CHRM3: variants seen among roughly 807,000 people sequenced by gnomAD.
The protein encoded by CHRM3 is cholinergic receptor muscarinic 3, also known as muscarinic acetylcholine receptor M3.
A neutral mutation model predicts 41.8 loss-of-function variants in CHRM3; 11 were observed. That is an observed-to-expected ratio of 0.26 (90% confidence interval 0.17 to 0.44). The LOEUF (loss-of-function observed/expected upper bound fraction) is 0.44, where lower values mean the gene tolerates loss of function less well. CHRM3 is among the 20% of genes least tolerant of loss of function. The pLI is 1.00. For synonymous variants in CHRM3, 297 were observed against 301.4 expected (o/e 0.99, Z 0.15); for missense variants, 571 against 745.4 (o/e 0.77, Z 2.72).
At chr1:239,517,771 G>C (rs926191934) in intron 2 of CHRM3, among the ~76,000 whole-genome samples, 3 of 152,064 alleles carry the variant, frequency 2.0e-5, no homozygotes, top group Non-Finnish European at 4.4e-5. Context: ...GATTGCCTTT[G>C]TCTTATATAT....
intron 1 of CHRM3, among the ~76,000 whole-genome samples, chr1:239,439,225 C>A (rs1663513344): frequency 6.6e-6 from 1 of 152,140 alleles, no homozygotes; most frequent in Non-Finnish European, 1.5e-5. Context: ...AGGTTTGTAT[C>A]CGATTAGAAC....
At chr1:239,838,580 G>A (rs955870898) in intron 6 of CHRM3, among the ~76,000 whole-genome samples, 2 of 152,122 alleles carry the variant, frequency 1.3e-5, no homozygotes, top group African/African-American at 4.8e-5. Context: ...AGCCTACAAA[G>A]TTTATCTTAT....
intron 4 of CHRM3, among the ~76,000 whole-genome samples, chr1:239,667,027 CTT>C (rs1673876502): frequency 1.3e-5 from 2 of 152,140 alleles, no homozygotes; most frequent in Non-Finnish European, 2.9e-5. Context: ...GCGTGACACT[CTT>C]TTCTTCTTAA....
intron 1 of CHRM3, among the ~76,000 whole-genome samples, chr1:239,397,223 C>T (rs1659561021): frequency 6.6e-6 from 1 of 152,106 alleles, no homozygotes; most frequent in Non-Finnish European, 1.5e-5. Context: ...CAATTTTATA[C>T]TGAAATGTAA....
intron 4 of CHRM3, among the ~76,000 whole-genome samples, chr1:239,636,738 C>G (rs1414859691): frequency 6.6e-6 from 1 of 152,184 alleles, no homozygotes; most frequent in Non-Finnish European, 1.5e-5. Context: ...GAAGGGCACC[C>G]ACTTTATTAA....
rs188144588 is a variant in CHRM3 at position 239,439,300 on chromosome 1, G to A, written c.-521+52073G>A. On this transcript the variant is annotated intron_variant, in intron 1 of 6. Coordinates refer to ENST00000676153, the MANE Select transcript of CHRM3 (RefSeq NM_001375978.1). ...ATCTCCTGACACCTAAATCTGAATC[G>A]CTCTGCTGACAATTATAGTAATAAC... Among the ~76,000 whole-genome samples the A allele has an allele frequency of 2.0e-4, 30 of 152,210 alleles. No homozygotes were observed. In the East Asian group the frequency reaches 5.4e-3, roughly 27 times the overall value.
intron 5 of CHRM3, among the ~76,000 whole-genome samples, chr1:239,735,203 C>A (rs1664295591): frequency 6.6e-6 from 1 of 152,080 alleles, no homozygotes; most frequent in South Asian, 2.1e-4. Flanking sequence ...CCCTAGTAGT[C>A]CTGCATGTGT....
chr1:239,588,463 T>C (rs950493691), intron 3 of CHRM3, among the ~76,000 whole-genome samples: 3 of 152,206 alleles, frequency 2.0e-5, no homozygotes, highest in Non-Finnish European at 4.4e-5. Flanking sequence ...TGTATGGCCA[T>C]AATCAAGCTC....
At chr1:239,882,940 G>A (rs539364) in intron 6 of CHRM3, among the ~76,000 whole-genome samples, 75,971 of 152,146 alleles carry the variant, frequency 0.5, 20,568 homozygotes, top group East Asian at 0.64. Context: ...CAGCCCAGGG[G>A]CGGCTCTTCG....
rs73120670 is a variant in CHRM3 at position 239,587,132 on chromosome 1, C to T, written c.-313+41383C>T. Among the ~76,000 whole-genome samples, 1,670 of 152,268 alleles carry T rather than the reference C, an allele frequency of 0.011. 47 individuals are homozygous for T. In the East Asian group the frequency reaches 0.11, roughly 10 times the overall value. ...CTGTCACAGGATGATCAGAAATCAG[C>T]GCGTGGTGACCTTTCTGACCACCCT... On this transcript the variant is annotated intron_variant, in intron 3 of 6. Coordinates refer to ENST00000676153, the MANE Select transcript of CHRM3 (RefSeq NM_001375978.1).
intron 1 of CHRM3, among the ~76,000 whole-genome samples, chr1:239,405,944 G>A (rs1446063750): frequency 2.6e-5 from 4 of 152,080 alleles, no homozygotes; most frequent in African/African-American, 9.6e-5. Context: ...GTGTAGTGCC[G>A]CGATCTCAGC....
At chr1:239,518,763 G>C (rs1333609133) in intron 2 of CHRM3, among the ~76,000 whole-genome samples, 1 of 152,170 alleles carries the variant, frequency 6.6e-6, no homozygotes, top group African/African-American at 2.4e-5. Context: ...AAAGACAGAG[G>C]CATGGTGGCC....
intron 5 of CHRM3, among the ~76,000 whole-genome samples, chr1:239,683,509 T>G (rs1389001228): frequency 6.6e-6 from 1 of 152,224 alleles, no homozygotes; most frequent in Non-Finnish European, 1.5e-5. Flanking sequence ...CCAAACCTTT[T>G]CTTTTCACCA....
chr1:239,662,895 C>CCTCTTCTTCTTA, intron 4 of CHRM3, among the ~76,000 whole-genome samples: 1 of 117,122 alleles, frequency 8.5e-6, no homozygotes, highest in East Asian at 3.1e-4. Context: ...TCCTCCTCCT[C>CCTCTTCTTCTTA]TTCTTCTTCT....
At chr1:239,446,168 C>G (rs978654233) in intron 1 of CHRM3, among the ~76,000 whole-genome samples, 6 of 152,112 alleles carry the variant, frequency 3.9e-5, no homozygotes, top group Non-Finnish European at 8.8e-5. Context: ...ATCTCCTGAC[C>G]TCGTGATCCG....
At chr1:239,865,720 A>G (rs1431001045) in intron 6 of CHRM3, among the ~76,000 whole-genome samples, 1 of 152,216 alleles carries the variant, frequency 6.6e-6, no homozygotes, top group Non-Finnish European at 1.5e-5. Flanking sequence ...TTCACAGGAC[A>G]TTTGGACCAG....
intron 6 of CHRM3, among the ~76,000 whole-genome samples, chr1:239,847,534 C>T (rs527758134): frequency 7.5e-4 from 114 of 152,098 alleles, no homozygotes; most frequent in African/African-American, 2.2e-3. Context: ...GGTTGAACCA[C>T]ATGGGAAAAA....
chr1:239,817,366 C>T (rs1186521897), intron 5 of CHRM3, among the ~76,000 whole-genome samples: 1 of 152,170 alleles, frequency 6.6e-6, no homozygotes, highest in Non-Finnish European at 1.5e-5. Flanking sequence ...CTATCTTTCT[C>T]TTCTTACTTT....
chr1:239,498,232 C>T (rs552931785), intron 2 of CHRM3, among the ~76,000 whole-genome samples: 2 of 152,192 alleles, frequency 1.3e-5, no homozygotes, highest in South Asian at 4.1e-4. Context: ...GGAACTAAGA[C>T]AAAATCTTGC....
Sources: gnomAD v4.1 joint callset for allele counts (sites outside exome capture counted in the v4.1 genomes callset) on GRCh38, gnomAD v4.1.1 for gene constraint, MANE v1.5 for transcripts, NCBI Gene and HGNC (gene_info 2026-07-23, HGNC 2026-07-21) for gene names.